The following TACC2 variants were observed in gnomAD, a reference collection of about 807,000 sequenced individuals.
TACC2 encodes the protein transforming acidic coiled-coil containing protein 2, also known as transforming acidic coiled-coil-containing protein 2.
TACC2 carries 137 observed loss-of-function variants against 227.3 expected under a neutral mutation model. That is an observed-to-expected ratio of 0.60 (90% CI 0.52 to 0.69). The LOEUF is 0.69. Among genes scored for constraint, TACC2 ranks in the 30% least tolerant of loss-of-function variants. The pLI is 0.00. For synonymous variants in TACC2, 1,523 were observed against 1,487.5 expected, an observed-to-expected ratio of 1.02 and a Z score of -0.55; for missense variants, 3,470 against 3,694.4, an observed-to-expected ratio of 0.94 and a Z score of 1.57.
chr10:122,048,038 C>T (rs187643620), intron 2 of TACC2, among the ~76,000 whole-genome samples: 109 of 152,310 alleles, frequency 7.2e-4, no homozygotes, highest in African/African-American at 2.5e-3. Flanking sequence ...GCTTGCTCTT[C>T]GGGCTGGTGT....
intron 7 of TACC2, among the ~76,000 whole-genome samples, chr10:122,184,801 G>C (rs188297955): frequency 6.6e-6 from 1 of 151,868 alleles, no homozygotes; most frequent in Non-Finnish European, 1.5e-5. Context: ...TAATTTGCTG[G>C]GTTTTTTTTC....
rs768181228 is a variant in TACC2, at chr10:122,143,577, C to T, written c.5705C>T (p.Ser1902Phe). 6.2e-6 allele frequency: 10 copies of T among 1,614,020 alleles called. No homozygotes were observed. The highest frequency in any genetic ancestry group is 1.3e-5 in the African/African-American group (1 of 75,036). ...VSTDLIAQSI[S>F]PAAAHAGLPP... ...TTCCCTCATTGTGTCCCCAGCATCT[C>T]CCCAGCTGCTGCCCATGCGGGTCTT... Residue 1902 changes from serine to phenylalanine, a missense_variant, in exon 7 of 23, where the codon TCC becomes TTC. Physicochemically the swap from Ser to Phe is radical, Grantham distance 155 (BLOSUM62 -2). This residue lies in a region of TACC2 where 1,924 missense variants were observed against 1,978.3 expected (regional missense o/e 0.97). Coordinates refer to ENST00000369005, the MANE Select transcript of TACC2 (RefSeq NM_206862.4).
chr10:122,009,077 C>T (rs1220519522), intron 1 of TACC2, among the ~76,000 whole-genome samples: 1 of 152,168 alleles, frequency 6.6e-6, no homozygotes, highest in Non-Finnish European at 1.5e-5. Flanking sequence ...TACCTTTGTT[C>T]TCTACAAACA....
chr10:122,136,592 G>A (rs897172350), intron 6 of TACC2, among the ~76,000 whole-genome samples: 7 of 147,024 alleles, frequency 4.8e-5, no homozygotes, highest in South Asian at 4.5e-4. Flanking sequence ...TTGCTCTGTC[G>A]CCCAGGCTGG....
intron 16 of TACC2, among the ~76,000 whole-genome samples, chr10:122,232,835 A>G (rs2095785100): frequency 6.6e-6 from 1 of 152,194 alleles, no homozygotes; most frequent in African/African-American, 2.4e-5. Flanking sequence ...GCAGCTGTGT[A>G]TCCAATTTGC....
chr10:122,248,516 A>C, intron 19 of TACC2, 127 bp from the exon 20 acceptor site: 2 of 1,147,444 alleles, frequency 1.7e-6, no homozygotes, highest in Non-Finnish European at 2.5e-6. Flanking sequence ...GTTCGTCCCA[A>C]GGAAAAGCTG....
At chr10:122,032,297 G>T (rs187656432) in intron 2 of TACC2, among the ~76,000 whole-genome samples, 5 of 152,144 alleles carry the variant, frequency 3.3e-5, no homozygotes, top group Admixed American at 2.6e-4. Context: ...CTCACACCTG[G>T]ATCACTGGGA....
At chr10:122,103,318 T>C (rs2082380930) in intron 5 of TACC2, among the ~76,000 whole-genome samples, 1 of 152,178 alleles carries the variant, frequency 6.6e-6, no homozygotes, top group South Asian at 2.1e-4. Context: ...ACCGTGGCAC[T>C]GCTCAGTGTG....
chr10:122,000,572 A>G (rs1171744414), intron 1 of TACC2, among the ~76,000 whole-genome samples: 1 of 152,070 alleles, frequency 6.6e-6, no homozygotes, highest in Non-Finnish European at 1.5e-5. Flanking sequence ...GGAAGGAAGC[A>G]TTTCTTTTCC....
chr10:122,169,904 C>A (rs1004182376), intron 7 of TACC2, among the ~76,000 whole-genome samples: 1 of 152,048 alleles, frequency 6.6e-6, no homozygotes, highest in African/African-American at 2.4e-5. Flanking sequence ...GTGCACGCCA[C>A]CATGCCTGGC....
intron 7 of TACC2, among the ~76,000 whole-genome samples, chr10:122,177,727 A>G (rs2140211503): frequency 6.6e-6 from 1 of 152,312 alleles, no homozygotes; most frequent in African/African-American, 2.4e-5. Context: ...ATTCTGTCGC[A>G]GAAAGAATTG....
chr10:122,034,696 C>T (rs1458330697), intron 2 of TACC2, among the ~76,000 whole-genome samples: 4 of 152,010 alleles, frequency 2.6e-5, no homozygotes, highest in Non-Finnish European at 2.9e-5. Context: ...CTTTGGGAGG[C>T]CGAGGTGGGT....
At chr10:122,121,559 G>A (rs115610167) in intron 5 of TACC2, among the ~76,000 whole-genome samples, 59 of 152,300 alleles carry the variant, frequency 3.9e-4, no homozygotes, top group African/African-American at 1.3e-3. Context: ...AAGGCTCCCA[G>A]GCATCACAGG....
At chr10:122,248,964 T>A (rs2096192321) in intron 20 of TACC2, 86 bp from the exon 21 acceptor site, 1 of 1,493,428 alleles carries the variant, frequency 6.7e-7, no homozygotes, top group Non-Finnish European at 9.2e-7. Context: ...GGGTTACACC[T>A]GCATCCGAGA....
chr10:122,068,481 T>A (rs929765742), intron 3 of TACC2, among the ~76,000 whole-genome samples: 7 of 152,198 alleles, frequency 4.6e-5, no homozygotes, highest in African/African-American at 1.7e-4. Context: ...AACTTAATCC[T>A]CTGCATCTCG....
At chr10:122,155,833 A>ATTTTTTT (rs66559186) in intron 7 of TACC2, among the ~76,000 whole-genome samples, 5 of 118,302 alleles carry the variant, frequency 4.2e-5, no homozygotes, top group South Asian at 2.7e-4. Flanking sequence ...TAGTGGGAAA[A>ATTTTTTT]TTTTTTTTTT....
chr10:121,994,974 C>A (rs7903011), intron 1 of TACC2, among the ~76,000 whole-genome samples: 1 of 151,916 alleles, frequency 6.6e-6, no homozygotes, highest in African/African-American at 2.4e-5. Flanking sequence ...TAAGGAGTTG[C>A]GCTGGATGAT....
At chr10:122,008,323 G>A (rs945095500) in intron 1 of TACC2, among the ~76,000 whole-genome samples, 13 of 148,530 alleles carry the variant, frequency 8.8e-5, no homozygotes, top group African/African-American at 3.2e-4. Context: ...GCAGTGGTGC[G>A]ATCTTGGCTC....
intron 5 of TACC2, among the ~76,000 whole-genome samples, chr10:122,124,599 C>T (rs373573290): frequency 4.6e-5 from 7 of 152,324 alleles, no homozygotes; most frequent in African/African-American, 1.2e-4. Flanking sequence ...CTGATGCTGC[C>T]GAAGTGGCTG....
Sources: allele counts gnomAD v4.1 joint callset (sites outside exome capture counted in the v4.1 genomes callset), GRCh38; gene constraint gnomAD v4.1.1; regional missense constraint gnomAD v4.1.1; transcripts MANE v1.5; gene names NCBI Gene and HGNC (gene_info 2026-07-23, HGNC 2026-07-21).